Variants in NXPE2 observed in about 807,000 individuals in gnomAD.
NXPE2 encodes neurexophilin and PC-esterase domain family member 2.
Under a neutral mutation model 34.4 loss-of-function variants are expected in NXPE2, and 34 were observed. The ratio of observed to expected loss-of-function variants is 0.99; its 90% CI spans 0.75 to 1.31. NXPE2 has a LOEUF of 1.31. Among genes scored for constraint, NXPE2 ranks in the 40% most tolerant of loss-of-function variants. NXPE2 has a pLI of 0.00. For synonymous variants in NXPE2, 235 were observed against 231.3 expected, an observed-to-expected ratio of 1.02 and a Z score of -0.15; for missense variants, 649 against 672.5, an observed-to-expected ratio of 0.97 and a Z score of 0.39.
the NXPE2 span, among the ~76,000 whole-genome samples, chr11:114,764,462 G>C: frequency 2.0e-5 from 3 of 151,784 alleles, no homozygotes; most frequent in Admixed American, 2.0e-4. Flanking sequence ...GCTTCTGTGT[G>C]TGCGCCTCTA....
At chr11:114,599,920 GA>G in the NXPE2 span, among the ~76,000 whole-genome samples, 1 of 151,724 alleles carries the variant, frequency 6.6e-6, no homozygotes, top group Non-Finnish European at 1.5e-5. Flanking sequence ...ATAACCCATG[GA>G]ATTAAAAAAA....
the NXPE2 span, among the ~76,000 whole-genome samples, chr11:114,599,090 T>C: frequency 1.6e-4 from 24 of 152,278 alleles, 1 homozygote; most frequent in Middle Eastern, 0.014. Context: ...CATACGAGCA[T>C]AGGTTGTTAA....
At chr11:114,621,470 G>T in the NXPE2 span, among the ~76,000 whole-genome samples, 1 of 152,076 alleles carries the variant, frequency 6.6e-6, no homozygotes. Flanking sequence ...AATAAGTATT[G>T]CCTCATGGGT....
At chr11:114,792,394 C>A in the NXPE2 span, among the ~76,000 whole-genome samples, 39 of 152,300 alleles carry the variant, frequency 2.6e-4, no homozygotes, top group Non-Finnish European at 2.9e-4. Flanking sequence ...GACTCTGACC[C>A]CCCATCTATT....
the NXPE2 span, among the ~76,000 whole-genome samples, chr11:114,730,483 G>C: frequency 6.6e-6 from 1 of 152,140 alleles, no homozygotes; most frequent in Non-Finnish European, 1.5e-5. Flanking sequence ...TCTGTAGACT[G>C]CTTTGGGCAG....
the NXPE2 span, among the ~76,000 whole-genome samples, chr11:114,747,446 G>A: frequency 2.3e-3 from 357 of 151,976 alleles, 2 homozygotes; most frequent in African/African-American, 8.3e-3. Context: ...ATTACCTCAT[G>A]TATTAGTCCA....
At chr11:114,656,882 G>C in the NXPE2 span, among the ~76,000 whole-genome samples, 2,187 of 152,204 alleles carry the variant, frequency 0.014, 44 homozygotes, top group African/African-American at 0.05. Flanking sequence ...CACAAGGTCA[G>C]GGGATCGAGA....
At chr11:114,650,897 TG>T in the NXPE2 span, among the ~76,000 whole-genome samples, 1 of 151,982 alleles carries the variant, frequency 6.6e-6, no homozygotes, top group African/African-American at 2.4e-5. Flanking sequence ...AAGCTGCAGC[TG>T]GTGGAGGGGC....
the NXPE2 span, among the ~76,000 whole-genome samples, chr11:114,605,366 G>A: frequency 1.3e-5 from 2 of 151,960 alleles, no homozygotes; most frequent in Non-Finnish European, 2.9e-5. Context: ...GTTACCTGCT[G>A]CATAATAAGT....
chr11:114,609,081 G>T, the NXPE2 span, among the ~76,000 whole-genome samples: 6 of 151,984 alleles, frequency 3.9e-5, no homozygotes, highest in Admixed American at 1.3e-4. Context: ...CTGTTATCCG[G>T]TGGATAATAA....
chr11:114,642,479 T>A, the NXPE2 span, among the ~76,000 whole-genome samples: 1 of 151,912 alleles, frequency 6.6e-6, no homozygotes, highest in Non-Finnish European at 1.5e-5. Flanking sequence ...TGTGTCCATG[T>A]GTTCTCATTG....
chr11:114,536,702 G>C, the NXPE2 span, among the ~76,000 whole-genome samples: 4 of 152,122 alleles, frequency 2.6e-5, no homozygotes, highest in African/African-American at 9.7e-5. Flanking sequence ...TAAATTCCTT[G>C]ACACATACAC....
At chr11:114,658,238 C>T in the NXPE2 span, among the ~76,000 whole-genome samples, 6 of 152,186 alleles carry the variant, frequency 3.9e-5, no homozygotes, top group Non-Finnish European at 7.3e-5. Flanking sequence ...TACTGACTCA[C>T]TTTTGAAAAG....
At chr11:114,596,347 C>T in the NXPE2 span, among the ~76,000 whole-genome samples, 1 of 152,220 alleles carries the variant, frequency 6.6e-6, no homozygotes, top group Admixed American at 6.5e-5. Context: ...ACCCAGACAG[C>T]TGCACCAGTG....
chr11:114,776,433 G>T, the NXPE2 span, among the ~76,000 whole-genome samples: 1 of 152,398 alleles, frequency 6.6e-6, no homozygotes, highest in South Asian at 2.1e-4. Flanking sequence ...AGGAAGTTAA[G>T]AAGCTTTTCT....
the NXPE2 span, among the ~76,000 whole-genome samples, chr11:114,750,472 T>C: frequency 2.6e-5 from 4 of 152,224 alleles, no homozygotes; most frequent in African/African-American, 9.6e-5. Context: ...TTTTGACTCT[T>C]AAGTTTTACT....
At chr11:114,563,858 T>C in the NXPE2 span, among the ~76,000 whole-genome samples, 126 of 152,268 alleles carry the variant, frequency 8.3e-4, 2 homozygotes, top group East Asian at 0.012. Flanking sequence ...GGGAACACTT[T>C]TACACTGCTG....
At chr11:114,740,102 G>A in the NXPE2 span, among the ~76,000 whole-genome samples, 11 of 152,164 alleles carry the variant, frequency 7.2e-5, no homozygotes, top group Non-Finnish European at 1.0e-4. Context: ...AAATTAGACC[G>A]TGTAAGAAAT....
chr11:114,614,253 G>A, the NXPE2 span, among the ~76,000 whole-genome samples: 1 of 152,044 alleles, frequency 6.6e-6, no homozygotes, highest in Middle Eastern at 3.5e-3. Context: ...TTACCCTGTG[G>A]ATAGTAAGTA....
Sources: allele counts gnomAD v4.1 joint callset (sites outside exome capture counted in the v4.1 genomes callset), GRCh38; gene constraint gnomAD v4.1.1; transcripts MANE v1.5; gene names NCBI Gene and HGNC (gene_info 2026-07-23, HGNC 2026-07-21).